MPND: variants seen among roughly 807,000 people sequenced by gnomAD.
MPND encodes MPN domain containing, also known as MPN domain-containing protein.
A neutral mutation model predicts 59.2 loss-of-function variants in MPND; 56 were observed. That is an observed-to-expected ratio of 0.95 (90% CI 0.76 to 1.18). MPND has a LOEUF of 1.18. MPND is among the 50% of genes most tolerant of loss of function. MPND has a pLI of 0.00. For missense variants in MPND, 671 were observed against 676.0 expected, an observed-to-expected ratio of 0.99 and a Z score of 0.08; for synonymous variants, 323 against 291.9, an observed-to-expected ratio of 1.11 and a Z score of -1.09.
intron 3 of MPND, among the ~76,000 whole-genome samples, chr19:4,350,224 C>T (rs560600783): frequency 6.6e-6 from 1 of 151,854 alleles, no homozygotes; most frequent in Non-Finnish European, 1.5e-5. Flanking sequence ...GGAGGAACAG[C>T]GAGGAGCCTG....
At chr19:4,349,475 G>A (rs978391294) in intron 3 of MPND, among the ~76,000 whole-genome samples, 20 of 152,080 alleles carry the variant, frequency 1.3e-4, no homozygotes, top group African/African-American at 3.6e-4. Context: ...GGTGCTCAAC[G>A]GGAGGCTGCC....
At position 4,343,569 on chromosome 19, in the gene MPND, G is replaced by A; in HGVS notation, c.-25G>A. The stretch of plus-strand genomic sequence containing the variant: ...ACGTGCCGGGAAGCCGGAGTCTAGA[G>A]CTCCGGGCGCGGGGAGGCGCGGCCA... On this transcript the variant is annotated 5_prime_UTR_variant, in exon 1 of 13. Transcript: ENST00000599840. 8.2e-7 allele frequency: 1 copy of A among 1,222,102 alleles called. No homozygotes were observed. The highest frequency in any genetic ancestry group is 1.0e-6 in the Non-Finnish European group (1 of 981,714). 75.7% of individuals were successfully genotyped at this position (1,222,102 alleles called of 1,614,324 possible).
chr19:4,345,832 G>A lies in MPND; in HGVS notation c.382G>A (p.Ala128Thr), dbSNP rs551295972. 66 of 1,614,036 alleles carry A rather than the reference G, an allele frequency of 4.1e-5. No individual in the cohort carries two copies. In the South Asian group the frequency reaches 6.7e-4, roughly 16 times the overall value. The change falls in exon 3 of 13, where the codon GCC becomes ACC. Residue 128 changes from alanine (A) to threonine (T), a missense_variant. By Grantham distance (58) the Ala-to-Thr change is moderately conservative. Coordinates refer to ENST00000599840, the MANE Select transcript of MPND (RefSeq NM_001300862.2). ...GQTFNSPSAWATHCKKLVNPA... is the reference protein window; with the variant it reads ...GQTFNSPSAWTTHCKKLVNPA... ...GACCTTCAACTCACCCAGCGCCTGG[G>A]CCACCCACTGCAAGAAGCTGGTGAA... is the stretch of plus-strand genomic sequence containing the variant.
At chr19:4,353,187 G>A (rs541790212) in intron 4 of MPND, among the ~76,000 whole-genome samples, 158 bp downstream of exon 4, 87 of 152,242 alleles carry the variant, frequency 5.7e-4, no homozygotes, top group Non-Finnish European at 9.7e-4. Flanking sequence ...ACGAGGCCTG[G>A]GCTGAAGACA....
At chr19:4,350,771 G>C (rs1243964494) in intron 3 of MPND, among the ~76,000 whole-genome samples, 1 of 152,154 alleles carries the variant, frequency 6.6e-6, no homozygotes, top group Non-Finnish European at 1.5e-5. Flanking sequence ...CCTGAGTCTG[G>C]AGCCGGGCGA....
intron 12 of MPND, 91 bp from the exon 13 acceptor site, chr19:4,359,821 CTCAG>C: frequency 1.0e-6 from 1 of 978,728 alleles, no homozygotes; most frequent in Non-Finnish European, 1.5e-6. Flanking sequence ...CTCAGGGGGG[CTCAG>C]TCAGGATGCT....
At position 4,343,888 on chromosome 19, in the gene MPND, G is replaced by A; in HGVS notation, c.188G>A (p.Cys63Tyr). Residue 63 changes from cysteine to tyrosine, a missense_variant, in exon 2 of 13, where the codon TGC becomes TAC. Coordinates refer to ENST00000599840, the MANE Select transcript of MPND (RefSeq NM_001300862.2). ...GGCGGCGGGGCCGGGGCGGGGGGCT[G>A]CGGCGGGCCCGGGGGCGCGCTCACC... The part of the protein sequence containing the change: ...GGGGGAGAGG[C>Y]GGPGGALTRR... 8.1e-7 allele frequency: 1 copy of A among 1,240,824 alleles called. No homozygotes were observed. The allele number at this position is 1,240,824 out of a possible 1,614,324, so 76.9% of individuals were successfully genotyped here. A position where few individuals can be genotyped will look rare whatever the true frequency, so the allele number is the denominator to read the frequency against.
Position 4,346,365 on chromosome 19 carries a change from C to G in MPND, c.531+384C>G, listed in dbSNP as rs78866247. On this transcript the variant is annotated intron_variant, in intron 3 of 12. Transcript: ENST00000599840. ...TCAAATGCTATGATAATAGATGTTCCCTGAGTGTTCACCAGCCGGGTGAAC... is the reference window on the plus strand; with the variant it reads ...TCAAATGCTATGATAATAGATGTTCGCTGAGTGTTCACCAGCCGGGTGAAC... Among the ~76,000 whole-genome samples, 1,243 of 152,106 alleles carry G rather than the reference C, an allele frequency of 8.2e-3. 16 individuals are homozygous for G. Among genetic ancestry groups the G allele is most frequent in the African/African-American group, 0.028 (1,153 of 41,498 alleles).
rs1253523764 is a variant in MPND at position 4,345,081 on chromosome 19, G to T, written c.295-664G>T. Among the ~76,000 whole-genome samples the T allele has an allele frequency of 4.1e-3, 350 of 85,606 alleles. No individual in the cohort carries two copies. The Middle Eastern group carries it at 0.056, about 14-fold the overall frequency. 56.2% of individuals were successfully genotyped at this position (85,606 alleles called of 152,430 possible). On this transcript the variant is annotated intron_variant, in intron 2 of 12. Coordinates refer to ENST00000599840, the MANE Select transcript of MPND (RefSeq NM_001300862.2). ...TTTTTTTTTTGAGACAGAGTCTCGC[G>T]CTGTTGCCCAGGCTGGAATGCAGTA...
At chr19:4,352,581 G>A (rs1028839487) in intron 3 of MPND, among the ~76,000 whole-genome samples, 4 of 152,160 alleles carry the variant, frequency 2.6e-5, no homozygotes, top group Non-Finnish European at 5.9e-5. Context: ...CTACTCAGGA[G>A]GCTGAGGCAG....
intron 3 of MPND, among the ~76,000 whole-genome samples, chr19:4,349,791 G>T (rs775834674): frequency 3.3e-5 from 5 of 152,234 alleles, no homozygotes; most frequent in Non-Finnish European, 7.3e-5. Context: ...GATTGCAGGC[G>T]TGAGCCAGCC....
At chr19:4,351,426 G>A (rs913012319) in intron 3 of MPND, among the ~76,000 whole-genome samples, 5 of 152,180 alleles carry the variant, frequency 3.3e-5, no homozygotes, top group Admixed American at 6.5e-5. Flanking sequence ...ACTGAAAGAC[G>A]TGAAAGCCAC....
chr19:4,350,627 A>G (rs980845017), intron 3 of MPND, among the ~76,000 whole-genome samples: 6 of 152,186 alleles, frequency 3.9e-5, no homozygotes, highest in African/African-American at 1.4e-4. Context: ...AGTCCTGAGC[A>G]AGTGGGTGGA....
At chr19:4,356,368 A>G (rs1326802555) in intron 8 of MPND, among the ~76,000 whole-genome samples, 1 of 151,884 alleles carries the variant, frequency 6.6e-6, no homozygotes, top group East Asian at 1.9e-4. Flanking sequence ...CCACAGCAAG[A>G]CCCCGTCTCT....
chr19:4,350,167 A>G (rs922601455), intron 3 of MPND, among the ~76,000 whole-genome samples: 4 of 152,140 alleles, frequency 2.6e-5, no homozygotes, highest in African/African-American at 9.6e-5. Flanking sequence ...GACTTCTGAG[A>G]AACAGCCTCT....
At chr19:4,353,693 C>A (rs964991667) in intron 4 of MPND, 88 of 225,604 alleles carry the variant, frequency 3.9e-4, no homozygotes, top group African/African-American at 2.0e-3. Flanking sequence ...TCTTGAGTAA[C>A]TGGGACCACA....
intron 11 of MPND, 120 bp from the exon 12 acceptor site, chr19:4,359,043 G>C (rs942369539): frequency 1.2e-5 from 8 of 665,950 alleles, no homozygotes; most frequent in African/African-American, 5.4e-5. Flanking sequence ...TCTCTTTGTG[G>C]TTGGTTTGTT....
At chr19:4,349,445 A>G (rs1037870704) in intron 3 of MPND, among the ~76,000 whole-genome samples, 3 of 151,694 alleles carry the variant, frequency 2.0e-5, no homozygotes, top group Non-Finnish European at 4.4e-5. Flanking sequence ...AGTGGGAGGG[A>G]TGGAGCGTCA....
intron 3 of MPND, chr19:4,347,689 A>AT (rs1473597612): frequency 4.0e-6 from 2 of 503,386 alleles, no homozygotes; most frequent in African/African-American, 4.0e-5. Flanking sequence ...CAGAAAGGAA[A>AT]TTCTACTCAT....
Sources: allele counts gnomAD v4.1 joint callset (sites outside exome capture counted in the v4.1 genomes callset), GRCh38; gene constraint gnomAD v4.1.1; transcripts MANE v1.5; gene names NCBI Gene and HGNC (gene_info 2026-07-23, HGNC 2026-07-21).